SLC6A15: variants seen among roughly 807,000 people sequenced by gnomAD.
SLC6A15 encodes the protein sodium-dependent neutral amino acid transporter B(0)AT2.
In SLC6A15, 33 loss-of-function variants were observed where a neutral mutation model predicts 68.5. The ratio of observed to expected loss-of-function variants is 0.48; its 90% CI spans 0.37 to 0.64. The LOEUF (loss-of-function observed/expected upper bound fraction) is 0.64. Ranked by LOEUF, SLC6A15 falls within the 30% of genes least tolerant of loss-of-function variation. The pLI is 0.00. For synonymous variants in SLC6A15, 347 were observed against 301.0 expected, an observed-to-expected ratio of 1.15 and a Z score of -1.58; for missense variants, 747 against 874.3, an observed-to-expected ratio of 0.85 and a Z score of 1.84.
chr12:84,901,447 C>A (rs930420920), intron 1 of SLC6A15, among the ~76,000 whole-genome samples: 5 of 151,614 alleles, frequency 3.3e-5, no homozygotes, highest in Non-Finnish European at 7.4e-5. Flanking sequence ...GTCATCATAT[C>A]TTATCTTTAT....
intron 5 of SLC6A15, chr12:84,880,941 T>C (rs889172736): frequency 4.3e-6 from 4 of 926,416 alleles, no homozygotes; most frequent in East Asian, 1.2e-4. Context: ...CTGTCTATCA[T>C]GTATTGGTTG....
intron 1 of SLC6A15, among the ~76,000 whole-genome samples, chr12:84,904,628 T>C (rs1168629945): frequency 6.6e-6 from 1 of 152,212 alleles, no homozygotes; most frequent in Non-Finnish European, 1.5e-5. Flanking sequence ...AGTGATTTCA[T>C]AGGTATTAGA....
intron 7 of SLC6A15, 93 bp downstream of exon 7, chr12:84,872,994 C>T (rs1871354723): frequency 7.0e-7 from 1 of 1,427,512 alleles, no homozygotes; most frequent in South Asian, 1.4e-5. Flanking sequence ...TCACATGTAT[C>T]TCATAAATAT....
rs1456368976 is a variant in SLC6A15 at position 84,860,685 on chromosome 12, G to A, written c.*947C>T. ...ACTTTGTTTATTTGTAGATTAAAAT[G>A]TAATGCATTACAATTTTAACAATCA... On this transcript the variant is annotated 3_prime_UTR_variant, in exon 12 of 12. Coordinates refer to ENST00000266682, the MANE Select transcript of SLC6A15 (RefSeq NM_182767.6). 6.6e-6 allele frequency: 1 copy of A among 152,078 alleles called. No individual in the cohort carries two copies. The highest frequency in any genetic ancestry group is 1.5e-5 in the Non-Finnish European group (1 of 68,004). The allele number at this position is 152,078 out of a possible 1,614,324, so 9.4% of individuals were successfully genotyped here.
intron 1 of SLC6A15, among the ~76,000 whole-genome samples, chr12:84,895,875 T>TTATG (rs1872616605): frequency 6.6e-6 from 1 of 152,150 alleles, no homozygotes; most frequent in African/African-American, 2.4e-5. Context: ...GCCTAAAAAC[T>TTATG]TAGTCCATAA....
chr12:84,863,594 C>A lies in SLC6A15; in HGVS notation c.1663G>T (p.Glu555Ter). Residue 555 changes from glutamate to a stop codon, truncating the protein, a stop_gained, in exon 11 of 12, where the codon GAA (glutamate) becomes TAA (stop). Transcript: ENST00000266682. LOFTEE classifies it high-confidence loss of function. Reference sequence around the variant, plus strand: ...AAGCCCAGCATATCTTTTAGGTCTTCCATAAACCTGAATAAAAAGAAAGTA... The same window carrying A: ...AAGCCCAGCATATCTTTTAGGTCTTACATAAACCTGAATAAAAAGAAAGTA... ...CFVYGIDKFM[E>*]DLKDMLGFAP... The A allele has an allele frequency of 6.5e-7, 1 of 1,527,642 alleles. No homozygotes were observed. Among genetic ancestry groups the A allele is most frequent in the Non-Finnish European group, 8.7e-7 (1 of 1,145,586 alleles). The allele number at this position is 1,527,642 out of a possible 1,614,324, so 94.6% of individuals were successfully genotyped here. A position where few individuals can be genotyped will look rare whatever the true frequency, so the allele number is the denominator to read the frequency against.
chr12:84,866,493 CTGGGAAAATA>C (rs1680981467), intron 10 of SLC6A15, among the ~76,000 whole-genome samples: 1 of 152,040 alleles, frequency 6.6e-6, no homozygotes, highest in Non-Finnish European at 1.5e-5. Context: ...CATCTCAGAC[CTGGGAAAATA>C]TCATTTCCCA....
Position 84,891,912 on chromosome 12 carries a change from T to C in SLC6A15, c.209A>G (p.Tyr70Cys). Residue 70 changes from tyrosine (Y) to cysteine (C), a missense_variant, in exon 2 of 12, where the codon TAC becomes TGC. Physicochemically the swap from Tyr to Cys is radical, Grantham distance 194 (BLOSUM62 -2). Coordinates refer to ENST00000266682, the MANE Select transcript of SLC6A15 (RefSeq NM_182767.6). ...ERPAWNSKLQ[Y>C]ILAQVGFSVG... ...AGAAAATCCAACTTGGGCCAGGATG[T>C]ATTGTAGTTTACTGTTCCAAGCTGG... 1 of 1,614,048 alleles carries C rather than the reference T, an allele frequency of 6.2e-7. No individual in the cohort carries two copies.
intron 1 of SLC6A15, among the ~76,000 whole-genome samples, chr12:84,901,536 C>T (rs1272606114): frequency 2.6e-5 from 4 of 151,750 alleles, no homozygotes; most frequent in Non-Finnish European, 4.4e-5. Flanking sequence ...AAAAAATTAA[C>T]TCAATACTTT....
rs377569939 is a variant in SLC6A15 at position 84,860,408 on chromosome 12, A to G, written c.*1224T>C. ...TGAATCAGCAAGCAGTCAATTGTAC[A>G]CATGGTTTCTTGGGAGGCTGTAAGT... On this transcript the variant is annotated 3_prime_UTR_variant, in exon 12 of 12. Coordinates refer to ENST00000266682, the MANE Select transcript of SLC6A15 (RefSeq NM_182767.6). 2.4e-4 allele frequency: 37 copies of G among 152,234 alleles called. No individual in the cohort carries two copies. Among genetic ancestry groups the G allele is most frequent in the African/African-American group, 8.9e-4 (37 of 41,582 alleles). 9.4% of individuals were successfully genotyped at this position (152,234 alleles called of 1,614,324 possible). A position where few individuals can be genotyped will look rare whatever the true frequency, so the allele number is the denominator to read the frequency against.
chr12:84,906,976 G>GA (rs950755525), intron 1 of SLC6A15, among the ~76,000 whole-genome samples: 40 of 148,194 alleles, frequency 2.7e-4, no homozygotes, highest in South Asian at 6.5e-4. Flanking sequence ...TAAGAGGATG[G>GA]AAAAAAAAAA....
rs555576477 is a variant in SLC6A15 at position 84,909,216 on chromosome 12, T to C, written c.-189+3307A>G. Among the ~76,000 whole-genome samples, 3 of 152,286 alleles carry C rather than the reference T, an allele frequency of 2.0e-5. No individual in the cohort carries two copies. In the South Asian group the frequency reaches 6.2e-4, roughly 32 times the overall value. On this transcript the variant is annotated intron_variant, in intron 1 of 11. Coordinates refer to ENST00000266682, the MANE Select transcript of SLC6A15 (RefSeq NM_182767.6). ...ATCTCTTTGATCTTTGCCAATCTGA[T>C]AGGTGAAAAAGTTCCCAAAGTATGC...
intron 8 of SLC6A15, among the ~76,000 whole-genome samples, chr12:84,871,714 A>G (rs758794097): frequency 6.6e-6 from 1 of 152,226 alleles, no homozygotes; most frequent in Non-Finnish European, 1.5e-5. Flanking sequence ...AGTCTCAAGT[A>G]CAGTTAACTA....
intron 1 of SLC6A15, among the ~76,000 whole-genome samples, chr12:84,894,283 T>C (rs563835882): frequency 6.6e-6 from 1 of 152,288 alleles, no homozygotes; most frequent in African/African-American, 2.4e-5. Flanking sequence ...TTTACATTTA[T>C]TAAATTATCT....
chr12:84,894,525 A>G (rs1295253694), intron 1 of SLC6A15, among the ~76,000 whole-genome samples: 2 of 152,184 alleles, frequency 1.3e-5, no homozygotes, highest in African/African-American at 4.8e-5. Context: ...AGATACTATT[A>G]TAGTAAAAAC....
chr12:84,883,934 C>A lies in SLC6A15; in HGVS notation c.681G>T (p.Lys227Asn), dbSNP rs200478124. 171 of 1,614,012 alleles carry A rather than the reference C, an allele frequency of 1.1e-4. 1 individual carries two copies. Among genetic ancestry groups the A allele is most frequent in the Middle Eastern group, 9.9e-4 (6 of 6,084 alleles). ...AGGCAGCCAACAAGCAGATGGTCAT[C>A]TTCCAGTTTAAGCCCCCACTTTCAG... Reference protein sequence around the residue: ...SISESGGLNWKMTICLLAAWV... With the variant: ...SISESGGLNWNMTICLLAAWV... Residue 227 changes from lysine (K) to asparagine (N), a missense_variant, in exon 5 of 12, where the codon AAG (lysine) becomes AAT (asparagine). By Grantham distance (94) the Lys-to-Asn change is moderately conservative. Transcript: ENST00000266682.
At chr12:84,883,438 G>GAAC in intron 5 of SLC6A15, 1 of 1,099,848 alleles carries the variant, frequency 9.1e-7, no homozygotes, top group Non-Finnish European at 1.1e-6. Context: ...CTATTCCTTA[G>GAAC]AACACCTACA....
chr12:84,895,287 A>T (rs1182674857), intron 1 of SLC6A15, among the ~76,000 whole-genome samples: 1 of 150,154 alleles, frequency 6.7e-6, no homozygotes, highest in Non-Finnish European at 1.5e-5. Context: ...AAAGAATAAG[A>T]TCATATAACT....
chr12:84,882,260 T>C lies in SLC6A15; in HGVS notation c.756+1599A>G, dbSNP rs61374184. 0.01 allele frequency: 9,918 copies of C among 985,310 alleles called. 584 individuals are homozygous for C. The African/African-American group carries it at 0.14, about 14-fold the overall frequency. 61.0% of individuals were successfully genotyped at this position (985,310 alleles called of 1,614,324 possible). ...ATCATATAAATATGGTTAGGTCTTA[T>C]TTAAGAATCCACTCCTTCATTTATA... is the stretch of plus-strand genomic sequence containing the variant. On this transcript the variant is annotated intron_variant, in intron 5 of 11. Transcript: ENST00000266682.
Sources: gnomAD v4.1 joint callset for allele counts (sites outside exome capture counted in the v4.1 genomes callset) on GRCh38, gnomAD v4.1.1 for gene constraint, MANE v1.5 for transcripts, NCBI Gene and HGNC (gene_info 2026-07-23, HGNC 2026-07-21) for gene names.